Variants in ARHGAP1 observed in about 807,000 individuals in gnomAD.
The protein encoded by ARHGAP1 is rho GTPase-activating protein 1.
Under a neutral mutation model 52.2 loss-of-function variants are expected in ARHGAP1, and 23 were observed. The ratio of observed to expected loss-of-function variants is 0.44; its 90% CI spans 0.32 to 0.62. The LOEUF (loss-of-function observed/expected upper bound fraction) is 0.62. Among genes scored for constraint, ARHGAP1 ranks in the 20% least tolerant of loss-of-function variants. ARHGAP1 has a pLI of 0.05. For missense variants in ARHGAP1, 480 were observed against 560.9 expected, an observed-to-expected ratio of 0.86 and a Z score of 1.46; for synonymous variants, 210 against 228.4, an observed-to-expected ratio of 0.92 and a Z score of 0.73.
At chr11:46,692,332 A>G (rs1169933093) in intron 3 of ARHGAP1, among the ~76,000 whole-genome samples, 1 of 152,208 alleles carries the variant, frequency 6.6e-6, no homozygotes, top group Non-Finnish European at 1.5e-5. Flanking sequence ...AAGCGAGGAA[A>G]TAACCAGGAT....
intron 3 of ARHGAP1, chr11:46,695,417 G>A: frequency 1.7e-6 from 1 of 580,782 alleles, no homozygotes; most frequent in East Asian, 3.5e-5. Flanking sequence ...CTCTGGGCTA[G>A]GCCCTGACAT....
In ARHGAP1 at chr11:46,696,194, G is replaced by A. The variant is rs923843229; in HGVS notation, c.-49-38C>T. 1 of 1,443,972 alleles carries A rather than the reference G, an allele frequency of 6.9e-7. No individual in the cohort carries two copies. The highest frequency in any genetic ancestry group is 2.5e-5 in the East Asian group (1 of 40,272). The allele number at this position is 1,443,972 out of a possible 1,614,324, so 89.4% of individuals were successfully genotyped here. ...AAGACAGGTGGCAGGTCAGTGACCT[G>A]CTCTTTTCACCTTCTGCGACCTCCA... On this transcript the variant is annotated intron_variant, in intron 1 of 12. Coordinates refer to ENST00000311956, the MANE Select transcript of ARHGAP1 (RefSeq NM_004308.5). The surrounding 1 kb of genome is among the most constrained non-coding windows in gnomAD (Gnocchi z 4.8).
chr11:46,692,998 G>A (rs1244606378), intron 3 of ARHGAP1, among the ~76,000 whole-genome samples: 1 of 151,978 alleles, frequency 6.6e-6, no homozygotes, highest in Non-Finnish European at 1.5e-5. Context: ...GACTACAGGC[G>A]CCCGCCACCA....
At position 46,677,928 on chromosome 11, in the gene ARHGAP1, G is replaced by C; in HGVS notation, c.*1109C>G. 2.3e-6 allele frequency: 1 copy of C among 434,774 alleles called. No homozygotes were observed. The highest frequency in any genetic ancestry group is 4.5e-6 in the Non-Finnish European group (1 of 220,022). 26.9% of individuals were successfully genotyped at this position (434,774 alleles called of 1,614,324 possible). On this transcript the variant is annotated 3_prime_UTR_variant, in exon 13 of 13. Coordinates refer to ENST00000311956, the MANE Select transcript of ARHGAP1 (RefSeq NM_004308.5). ...CACTGCACTCCAGCCTGGTGACAGA[G>C]CGAGACTCCATCTCAGAAAAAAAAA...
intron 4 of ARHGAP1, among the ~76,000 whole-genome samples, chr11:46,685,953 C>T (rs970023761): frequency 6.6e-6 from 1 of 151,026 alleles, no homozygotes; most frequent in Non-Finnish European, 1.5e-5. Context: ...GGATTACAGG[C>T]ATGAGCCACC....
Position 46,680,443 on chromosome 11 carries a change from G to T in ARHGAP1, c.820+44C>A, listed in dbSNP as rs112395124. The stretch of plus-strand genomic sequence containing the variant: ...AGCAGCTTCCCCAGCTTCCTGAAGG[G>T]AGCCGGGAGACCTGGCTGGTGAGGA... On this transcript the variant is annotated intron_variant, in intron 9 of 12. Transcript: ENST00000311956. The surrounding 1 kb of genome is among the most constrained non-coding windows in gnomAD (Gnocchi z 5.9). The T allele has an allele frequency of 7.6e-3, 12,205 of 1,604,652 alleles. 833 individuals are homozygous for T. In the African/African-American group the frequency reaches 0.14, roughly 19 times the overall value.
At position 46,680,790 on chromosome 11, in the gene ARHGAP1, G is replaced by A; in HGVS notation, c.636-43C>T. 3 of 1,411,652 alleles carry A rather than the reference G, an allele frequency of 2.1e-6. No homozygotes were observed. Among genetic ancestry groups the A allele is most frequent in the Non-Finnish European group, 2.9e-6 (3 of 1,043,744 alleles). 87.4% of individuals were successfully genotyped at this position (1,411,652 alleles called of 1,614,324 possible). ...GGTGGGTCAGGTCCTGCCTGGCTCT[G>A]GAGTCACTCTGCCAATTCAATCAAG... On this transcript the variant is annotated intron_variant, in intron 7 of 12. Coordinates refer to ENST00000311956, the MANE Select transcript of ARHGAP1 (RefSeq NM_004308.5). This position sits in a 1 kb window ranked among gnomAD's most constrained non-coding sequence, Gnocchi z 5.9.
chr11:46,684,770 T>C (rs942382020), intron 4 of ARHGAP1, among the ~76,000 whole-genome samples: 4 of 152,186 alleles, frequency 2.6e-5, no homozygotes, highest in Non-Finnish European at 4.4e-5. Flanking sequence ...GAATATTTAA[T>C]GCTCAGAAAA....
Position 46,679,263 on chromosome 11 carries a change from G to A in ARHGAP1, c.1132-38C>T. On this transcript the variant is annotated intron_variant, in intron 12 of 12. Coordinates refer to ENST00000311956, the MANE Select transcript of ARHGAP1 (RefSeq NM_004308.5). This position sits in a 1 kb window ranked among gnomAD's most constrained non-coding sequence, Gnocchi z 4.4. ...TCAGGGACTGCAGCAGGAAGCCACA[G>A]ATGCTGCCTCCCACTCCCAGCAACA... 6.3e-7 allele frequency: 1 copy of A among 1,591,400 alleles called. No homozygotes were observed. Among genetic ancestry groups the A allele is most frequent in the African/African-American group, 1.3e-5 (1 of 74,572 alleles).
rs1027699779 is a variant in ARHGAP1 at position 46,677,673 on chromosome 11, C to G, written c.*1364G>C. ...TTCTTTGAAAGACAACAGGGCTGGC[C>G]GGGTGCAGTGGCTCACGCCTGGAAT... On this transcript the variant is annotated 3_prime_UTR_variant, in exon 13 of 13. Coordinates refer to ENST00000311956, the MANE Select transcript of ARHGAP1 (RefSeq NM_004308.5). 2.4e-5 allele frequency: 6 copies of G among 253,482 alleles called. No individual in the cohort carries two copies. The highest frequency in any genetic ancestry group is 4.7e-5 in the Non-Finnish European group (6 of 127,474). The allele number at this position is 253,482 out of a possible 1,614,324, so 15.7% of individuals were successfully genotyped here.
Position 46,681,320 on chromosome 11 carries a change from A to G in ARHGAP1, c.509T>C (p.Leu170Pro), listed in dbSNP as rs2064526309. ...GATGAGGGGCTTGAAGAGGATGAGC[A>G]GAGTTTTGATGAACATGGTTGGATG... ...IVHPTMFIKT[L>P]LILFKPLISF... Residue 170 changes from leucine (L) to proline (P), a missense_variant, in exon 6 of 13, where the codon CTG becomes CCG. Physicochemically the swap from Leu to Pro is moderately conservative, Grantham distance 98. Coordinates refer to ENST00000311956, the MANE Select transcript of ARHGAP1 (RefSeq NM_004308.5). The surrounding 1 kb of genome is among the most constrained non-coding windows in gnomAD (Gnocchi z 5.7). 6.2e-7 allele frequency: 1 copy of G among 1,613,756 alleles called. No homozygotes were observed. Among genetic ancestry groups the G allele is most frequent in the Non-Finnish European group, 8.5e-7 (1 of 1,179,746 alleles).
rs780388760 is a variant in ARHGAP1, at chr11:46,680,964, C to T, written c.635+47G>A. 4 of 1,550,586 alleles carry T rather than the reference C, an allele frequency of 2.6e-6. No homozygotes were observed. Among genetic ancestry groups the T allele is most frequent in the Non-Finnish European group, 3.6e-6 (4 of 1,126,112 alleles). Reference sequence around the variant, plus strand: ...CGGTCTCTGAATCAGGACACACGTCCTCATTACCCTGGCTTCACGAGCCCC... The same window carrying T: ...CGGTCTCTGAATCAGGACACACGTCTTCATTACCCTGGCTTCACGAGCCCC... On this transcript the variant is annotated intron_variant, in intron 7 of 12. Transcript: ENST00000311956. The surrounding 1 kb of genome is among the most constrained non-coding windows in gnomAD (Gnocchi z 5.9).
Position 46,696,090 on chromosome 11 carries a change from C to T in ARHGAP1, c.18G>A (p.Glu6=). 6.2e-7 allele frequency: 1 copy of T among 1,604,948 alleles called. No homozygotes were observed. Among genetic ancestry groups the T allele is most frequent in the Non-Finnish European group, 8.5e-7 (1 of 1,175,920 alleles). MDPLS[E]LQDDLTLDDT... ...CATCCAAGGTCAGATCATCCTGCAG[C>T]TCTGAGAGCGGATCCATGGCCAAGC... is the stretch of plus-strand genomic sequence containing the variant. The change falls in exon 2 of 13, where the codon GAG becomes GAA. Residue 6 remains glutamate, a synonymous_variant. Transcript: ENST00000311956. The surrounding 1 kb of genome is among the most constrained non-coding windows in gnomAD (Gnocchi z 4.8).
chr11:46,697,520 G>A (rs1385365486), intron 1 of ARHGAP1: 1 of 152,246 alleles, frequency 6.6e-6, no homozygotes, highest in Non-Finnish European at 1.5e-5. Flanking sequence ...TGGGCTCTGA[G>A]GCCACTTGAC....
intron 4 of ARHGAP1, chr11:46,687,681 T>A (rs2064581365): frequency 6.5e-6 from 1 of 154,004 alleles, no homozygotes; most frequent in Non-Finnish European, 1.4e-5. Flanking sequence ...TCAGGACATG[T>A]CTGGACCGGC....
chr11:46,699,753 C>T (rs890970430), intron 1 of ARHGAP1, among the ~76,000 whole-genome samples: 2 of 151,962 alleles, frequency 1.3e-5, no homozygotes, highest in Admixed American at 6.6e-5. Context: ...ATCGGCCTCC[C>T]AGTTGCAAAT....
rs2064505082 is a variant in ARHGAP1, at chr11:46,679,262, A to G, written c.1132-37T>C. 6.3e-7 allele frequency: 1 copy of G among 1,590,886 alleles called. No homozygotes were observed. The highest frequency in any genetic ancestry group is 1.3e-5 in the African/African-American group (1 of 74,446). ...ATCAGGGACTGCAGCAGGAAGCCAC[A>G]GATGCTGCCTCCCACTCCCAGCAAC... On this transcript the variant is annotated intron_variant, in intron 12 of 12. Coordinates refer to ENST00000311956, the MANE Select transcript of ARHGAP1 (RefSeq NM_004308.5). The surrounding 1 kb of genome is among the most constrained non-coding windows in gnomAD (Gnocchi z 4.4).
Position 46,680,080 on chromosome 11 carries a change from C to A in ARHGAP1, c.898+125G>T. On this transcript the variant is annotated intron_variant, in intron 10 of 12. Coordinates refer to ENST00000311956, the MANE Select transcript of ARHGAP1 (RefSeq NM_004308.5). The surrounding 1 kb of genome is among the most constrained non-coding windows in gnomAD (Gnocchi z 5.9). ...TGGCAGAAGTAGGACTTATGTGACA[C>A]CCAGAGCCACGGAAACCTCCAGCAG... The A allele has an allele frequency of 8.0e-7, 1 of 1,243,938 alleles. No individual in the cohort carries two copies. Among genetic ancestry groups the A allele is most frequent in the Non-Finnish European group, 1.2e-6 (1 of 863,514 alleles). The allele number at this position is 1,243,938 out of a possible 1,614,324, so 77.1% of individuals were successfully genotyped here. A position where few individuals can be genotyped will look rare whatever the true frequency, so the allele number is the denominator to read the frequency against.
chr11:46,693,492 A>G (rs1433651388), intron 3 of ARHGAP1, among the ~76,000 whole-genome samples: 1 of 151,056 alleles, frequency 6.6e-6, no homozygotes, highest in East Asian at 2.0e-4. Flanking sequence ...TGCAGCCTCC[A>G]ACTCCTGGAC....
Sources: gnomAD v4.1 joint callset for allele counts (sites outside exome capture counted in the v4.1 genomes callset) on GRCh38, gnomAD v4.1.1 for gene constraint, Gnocchi (gnomAD v3.1) non-coding constraint, MANE v1.5 for transcripts, NCBI Gene and HGNC (gene_info 2026-07-23, HGNC 2026-07-21) for gene names.